Variants in ZDHHC6 observed in about 807,000 individuals in gnomAD.
The protein encoded by ZDHHC6 is palmitoyltransferase ZDHHC6.
A neutral mutation model predicts 57.8 loss-of-function variants in ZDHHC6; 32 were observed. The ratio of observed to expected loss-of-function variants is 0.55; its 90% CI spans 0.42 to 0.74. The LOEUF (loss-of-function observed/expected upper bound fraction) is 0.74, where lower values mean the gene tolerates loss of function less well. ZDHHC6 is among the 30% of genes least tolerant of loss of function. The pLI, the probability that ZDHHC6 is intolerant of heterozygous loss-of-function variation, is 0.00. For missense variants in ZDHHC6, 433 were observed against 500.7 expected (o/e 0.86, Z 1.29); for synonymous variants, 128 against 158.0 (o/e 0.81, Z 1.42).
At chr10:112,436,215 CT>C (rs1845514791) in intron 6 of ZDHHC6, among the ~76,000 whole-genome samples, 1 of 152,242 alleles carries the variant, frequency 6.6e-6, no homozygotes, top group Admixed American at 6.5e-5. Flanking sequence ...TGGCTCACGC[CT>C]GTAATCCCAG....
chr10:112,441,915 T>C (rs140944086), intron 4 of ZDHHC6, among the ~76,000 whole-genome samples: 1 of 152,344 alleles, frequency 6.6e-6, no homozygotes, highest in African/African-American at 2.4e-5. Context: ...TCCATAACTA[T>C]TAAGTTTGAA....
downstream of ZDHHC6, chr10:112,427,068 T>G (rs1346228152): frequency 1.1e-6 from 1 of 945,712 alleles, no homozygotes; most frequent in Non-Finnish European, 1.6e-6. Context: ...CATTACTTTC[T>G]TAAATTATGT....
In ZDHHC6 at chr10:112,443,485, T is replaced by C. The variant is rs759411467; in HGVS notation, c.359+30A>G. On this transcript the variant is annotated intron_variant, in intron 3 of 10. Transcript: ENST00000369405. ...AAAACATCAGTAATTAGTTGATCAG[T>C]CCTCGCTGAACAGCAAGAAAGACAG... is the stretch of plus-strand genomic sequence containing the variant. 1.9e-6 allele frequency: 3 copies of C among 1,592,270 alleles called. No homozygotes were observed. In the East Asian group the frequency reaches 6.7e-5, roughly 36 times the overall value.
At chr10:112,447,246 G>T, upstream of ZDHHC6, 1 of 977,668 alleles carries the variant, frequency 1.0e-6, no homozygotes, top group Non-Finnish European at 1.5e-6. Context: ...GTTGAGAGCT[G>T]TCCCCGGTTC....
intron 4 of ZDHHC6, among the ~76,000 whole-genome samples, chr10:112,441,549 T>G (rs1846118947): frequency 6.6e-6 from 1 of 152,226 alleles, no homozygotes; most frequent in Non-Finnish European, 1.5e-5. Context: ...ATCCAGATTT[T>G]CAGATTTTTC....
chr10:112,442,542 A>G (rs553721272), intron 3 of ZDHHC6, among the ~76,000 whole-genome samples, 191 bp from the exon 4 acceptor site: 3 of 152,330 alleles, frequency 2.0e-5, no homozygotes, highest in African/African-American at 7.2e-5. Context: ...TAAATTCTAA[A>G]CAGCACAGGA....
chr10:112,442,169 A>G (rs1038567600), intron 4 of ZDHHC6, 23 bp downstream of exon 4: 2 of 1,585,966 alleles, frequency 1.3e-6, no homozygotes, highest in Non-Finnish European at 1.7e-6. Context: ...ATTTTATAAC[A>G]AAACATTTTC....
intron 3 of ZDHHC6, 65 bp from the exon 4 acceptor site, chr10:112,442,416 C>T: frequency 3.3e-6 from 5 of 1,505,804 alleles, no homozygotes; most frequent in Non-Finnish European, 4.5e-6. Context: ...TAACTTTGGT[C>T]TTCAAAAGAT....
downstream of ZDHHC6, among the ~76,000 whole-genome samples, chr10:112,429,729 A>G (rs1844871011): frequency 6.6e-6 from 1 of 152,218 alleles, no homozygotes; most frequent in African/African-American, 2.4e-5. Flanking sequence ...GTAGTTTGAT[A>G]TCACTATGTT....
Position 112,443,519 on chromosome 10 carries a change from TA to T in ZDHHC6, c.354del (p.Cys118Ter). 6.2e-7 allele frequency: 1 copy of T among 1,613,608 alleles called. No homozygotes were observed. Among genetic ancestry groups the T allele is most frequent in the Non-Finnish European group, 8.5e-7 (1 of 1,179,608 alleles). On this transcript the variant is annotated frameshift_variant, in exon 3 of 11. Transcript: ENST00000369405. LOFTEE classifies it high-confidence loss of function. ...KAPRSHHCRKCNRCVMKMDHH... is the reference protein window; with the variant it reads ...KAPRSHHCRKXNRCVMKMDHH... Reference sequence around the variant, plus strand: ...AACAGCAAGAAAGACAGGTACCTGTTACACTTTCTGCAGTGATGTGAACGTG... The same window carrying T: ...AACAGCAAGAAAGACAGGTACCTGTTCACTTTCTGCAGTGATGTGAACGTG...
At chr10:112,428,168 A>G, downstream of ZDHHC6, 1 of 334,186 alleles carries the variant, frequency 3.0e-6, no homozygotes, top group African/African-American at 2.1e-5. Flanking sequence ...TTTCCAGTAA[A>G]TGAAGCAAGC....
chr10:112,447,049 G>GA (rs1311568399), upstream of ZDHHC6: 8 of 315,604 alleles, frequency 2.5e-5, no homozygotes, highest in South Asian at 3.8e-4. Flanking sequence ...ACGAAGGGGG[G>GA]AAAAAACGCT....
intron 6 of ZDHHC6, among the ~76,000 whole-genome samples, chr10:112,437,660 A>G (rs1845669239): frequency 6.6e-6 from 1 of 152,214 alleles, no homozygotes; most frequent in Non-Finnish European, 1.5e-5. Flanking sequence ...ATATAAAACG[A>G]TGCTATTCTT....
At chr10:112,433,342 C>T in intron 7 of ZDHHC6, 61 bp from the exon 8 acceptor site, 1 of 1,367,858 alleles carries the variant, frequency 7.3e-7, no homozygotes, top group South Asian at 1.5e-5. Context: ...GAAAAATCGC[C>T]TTTCCTCATC....
downstream of ZDHHC6, among the ~76,000 whole-genome samples, chr10:112,428,747 GGT>G (rs1844834286): frequency 6.7e-6 from 1 of 149,948 alleles, no homozygotes; most frequent in African/African-American, 2.5e-5. Context: ...TTCCAGCCTG[GGT>G]GAAAGTGTGA....
chr10:112,437,004 C>G (rs1003798699), intron 6 of ZDHHC6, among the ~76,000 whole-genome samples: 1 of 152,092 alleles, frequency 6.6e-6, no homozygotes, highest in African/African-American at 2.4e-5. Context: ...AGTAATATAG[C>G]AAACTAAGGT....
At chr10:112,440,509 G>T in intron 5 of ZDHHC6, 25 bp downstream of exon 5, 1 of 1,606,312 alleles carries the variant, frequency 6.2e-7, no homozygotes, top group Non-Finnish European at 8.5e-7. Flanking sequence ...TGACACTTTT[G>T]ACTTGAGGTA....
intron 5 of ZDHHC6, 123 bp from the exon 6 acceptor site, chr10:112,438,512 C>A: frequency 1.2e-6 from 1 of 812,432 alleles, no homozygotes; most frequent in Non-Finnish European, 1.7e-6. Flanking sequence ...CCAAGGATAA[C>A]AGAGGTTAAG....
At chr10:112,428,144 G>T, downstream of ZDHHC6, 1 of 301,600 alleles carries the variant, frequency 3.3e-6, no homozygotes, top group Non-Finnish European at 6.1e-6. Flanking sequence ...GTTGACAGGT[G>T]GGCCCAGTGA....
Sources: allele counts gnomAD v4.1 joint callset (sites outside exome capture counted in the v4.1 genomes callset), GRCh38; gene constraint gnomAD v4.1.1; transcripts MANE v1.5; gene names NCBI Gene and HGNC (gene_info 2026-07-23, HGNC 2026-07-21).